The following DDX17 variants were observed in gnomAD, a reference collection of about 807,000 sequenced individuals.
DDX17 encodes probable ATP-dependent RNA helicase DDX17.
DDX17 carries 10 observed loss-of-function variants against 80.8 expected under a neutral mutation model. The ratio of observed to expected loss-of-function variants is 0.12; its 90% CI spans 0.08 to 0.21. The LOEUF is 0.21. Among genes scored for constraint, DDX17 ranks in the 10% least tolerant of loss-of-function variants. DDX17 has a pLI of 1.00. For synonymous variants in DDX17, 339 were observed against 336.2 expected (o/e 1.01, Z -0.09); for missense variants, 586 against 957.4 (o/e 0.61, Z 5.12).
chr22:38,489,747 G>A lies in DDX17; in HGVS notation c.1448-1632C>T, dbSNP rs1311835768. 2 of 985,382 alleles carry A rather than the reference G, an allele frequency of 2.0e-6. No homozygotes were observed. The highest frequency in any genetic ancestry group is 3.5e-5 in the African/African-American group (2 of 57,298). 61.0% of individuals were successfully genotyped at this position (985,382 alleles called of 1,614,324 possible). On this transcript the variant is annotated intron_variant, in intron 11 of 12. Coordinates refer to ENST00000403230, the MANE Select transcript of DDX17 (RefSeq NM_006386.5). The surrounding 1 kb of genome is among the most constrained non-coding windows in gnomAD (Gnocchi z 4.6). ...AAGTCCTGAATCACACCAGAAAGAC[G>A]AGAAGGCACTTATCACAGGGGGCAG...
At chr22:38,505,851 G>T in intron 1 of DDX17, 100 bp downstream of exon 1, 1 of 1,416,814 alleles carries the variant, frequency 7.1e-7, no homozygotes. Flanking sequence ...CGCCTCCCGG[G>T]TCGAGAGCAA....
rs759811493 is a variant in DDX17, at chr22:38,492,036, A to G, written c.1447+20T>C. 1 of 1,571,756 alleles carries G rather than the reference A, an allele frequency of 6.4e-7. No homozygotes were observed. Among genetic ancestry groups the G allele is most frequent in the Non-Finnish European group, 8.7e-7 (1 of 1,154,358 alleles). On this transcript the variant is annotated intron_variant, in intron 11 of 12. Coordinates refer to ENST00000403230, the MANE Select transcript of DDX17 (RefSeq NM_006386.5). ...CAAAAGATACATATACCATTGACAG[A>G]GACACCTATCTATACAAACCTAGCC...
chr22:38,498,659 G>T (rs146192884), intron 3 of DDX17, 86 bp from the exon 4 acceptor site: 1 of 1,434,578 alleles, frequency 7.0e-7, no homozygotes, highest in Non-Finnish European at 9.6e-7. Context: ...GCTCACTGAA[G>T]ATAAGATTTA....
At chr22:38,498,311 T>C in intron 4 of DDX17, 129 bp downstream of exon 4, 4 of 1,420,322 alleles carry the variant, frequency 2.8e-6, no homozygotes, top group Non-Finnish European at 3.8e-6. Context: ...AATGCTTCCA[T>C]ATATTTAATA....
At position 38,499,481 on chromosome 22, in the gene DDX17, G is replaced by A. The variant is rs757226080; in HGVS notation, c.457C>T (p.Arg153Cys). 6 of 1,613,266 alleles carry A rather than the reference G, an allele frequency of 3.7e-6. No homozygotes were observed. In the Admixed American group the frequency reaches 5.0e-5, roughly 13 times the overall value. ...CTCACTGTAATCTCCTTCTTTCGGC[G>A]TAGCTCATCAACCTCATACTATTGA... The change falls in exon 3 of 13, where the codon CGC becomes TGC. Residue 153 changes from arginine to cysteine, a missense_variant. Around this residue, in one of 4 missense-constraint regions of DDX17, gnomAD observed 215 missense variants for 238.4 expected, o/e 0.90. Coordinates refer to ENST00000403230, the MANE Select transcript of DDX17 (RefSeq NM_006386.5).
chr22:38,484,160 GA>G lies in DDX17; in HGVS notation c.*1774del, dbSNP rs1439230220. The G allele has an allele frequency of 1.3e-5, 2 of 150,926 alleles. No homozygotes were observed. The highest frequency in any genetic ancestry group is 3.0e-5 in the Non-Finnish European group (2 of 67,726). 9.3% of individuals were successfully genotyped at this position (150,926 alleles called of 1,614,324 possible). ...GCTTAGACAAATTTGGGGTTGGGGG[GA>G]ACACTTTGGTTTGAAAGCACAGAGC... On this transcript the variant is annotated 3_prime_UTR_variant, in exon 13 of 13. Transcript: ENST00000403230.
At chr22:38,494,526 G>A in intron 8 of DDX17, 104 bp downstream of exon 8, 1 of 1,038,228 alleles carries the variant, frequency 9.6e-7, no homozygotes, top group African/African-American at 1.6e-5. Context: ...TGCTTTTAAT[G>A]TTCTCAGGCC....
intron 10 of DDX17, 187 bp downstream of exon 10, chr22:38,493,523 A>G: frequency 1.7e-6 from 1 of 595,566 alleles, no homozygotes. Context: ...TCTACAGCCT[A>G]CAGCTTTTGT....
At chr22:38,492,182 A>C in intron 10 of DDX17, 67 bp from the exon 11 acceptor site, 1 of 1,361,828 alleles carries the variant, frequency 7.3e-7, no homozygotes, top group Non-Finnish European at 1.0e-6. Context: ...TTACATAACC[A>C]TGTTAAAATT....
Position 38,485,830 on chromosome 22 carries a change from A to C in DDX17, c.*105T>G. 4 of 1,398,394 alleles carry C rather than the reference A, an allele frequency of 2.9e-6. No individual in the cohort carries two copies. Among genetic ancestry groups the C allele is most frequent in the Non-Finnish European group, 3.7e-6 (4 of 1,074,962 alleles). The allele number at this position is 1,398,394 out of a possible 1,614,324, so 86.6% of individuals were successfully genotyped here. A position where few individuals can be genotyped will look rare whatever the true frequency, so the allele number is the denominator to read the frequency against. On this transcript the variant is annotated 3_prime_UTR_variant, in exon 13 of 13. Transcript: ENST00000403230. ...GGGGGGAAAAATTAAAAAAAAAAAA[A>C]GAAAAAAGGAAAAAAAAAGAAAAGG...
chr22:38,485,802 GT>G lies in DDX17; in HGVS notation c.*132del. ...CTGCATGAAAAGACAAATCACGATG[GT>G]TGGGGGGAAAAATTAAAAAAAAAAA... is the stretch of plus-strand genomic sequence containing the variant. On this transcript the variant is annotated 3_prime_UTR_variant, in exon 13 of 13. Transcript: ENST00000403230. The G allele has an allele frequency of 7.8e-7, 1 of 1,278,446 alleles. No homozygotes were observed. The highest frequency in any genetic ancestry group is 1.0e-6 in the Non-Finnish European group (1 of 994,362). The allele number at this position is 1,278,446 out of a possible 1,614,324, so 79.2% of individuals were successfully genotyped here.
chr22:38,488,141 T>C lies in DDX17; in HGVS notation c.1448-26A>G, dbSNP rs1167200329. ...CTTCCACGTCAATGATGAGTCAGTG[T>C]GTAGGTTGATGTGGCAGGGAAAGAG... On this transcript the variant is annotated intron_variant, in intron 11 of 12. Coordinates refer to ENST00000403230, the MANE Select transcript of DDX17 (RefSeq NM_006386.5). 2.5e-6 allele frequency: 4 copies of C among 1,613,016 alleles called. No individual in the cohort carries two copies. In the East Asian group the frequency reaches 6.7e-5, roughly 27 times the overall value.
chr22:38,501,111 AAC>A lies in DDX17; in HGVS notation c.438+17_438+18del. On this transcript the variant is annotated intron_variant, in intron 2 of 12. Transcript: ENST00000403230. ...CTTGGTTCAATAATCTGTACATTAA[AAC>A]ACACATGTAAACTTACTGGTGTCAG... The A allele has an allele frequency of 1.9e-6, 3 of 1,611,264 alleles. No individual in the cohort carries two copies. Among genetic ancestry groups the A allele is most frequent in the Non-Finnish European group, 2.5e-6 (3 of 1,179,294 alleles).
chr22:38,505,862 G>C (rs2089876857), intron 1 of DDX17, 89 bp downstream of exon 1: 1 of 1,460,170 alleles, frequency 6.8e-7, no homozygotes, highest in Non-Finnish European at 9.2e-7. Context: ...TCGAGAGCAA[G>C]GCTCCCAGGC....
intron 3 of DDX17, among the ~76,000 whole-genome samples, 193 bp downstream of exon 3, chr22:38,499,207 G>C (rs1036405979): frequency 6.6e-6 from 1 of 152,054 alleles, no homozygotes; most frequent in Non-Finnish European, 1.5e-5. Flanking sequence ...CCTAGAAAAA[G>C]ACAAAAACCT....
chr22:38,502,874 C>A (rs886459919), intron 1 of DDX17, among the ~76,000 whole-genome samples: 3 of 152,140 alleles, frequency 2.0e-5, no homozygotes, highest in Non-Finnish European at 4.4e-5. Flanking sequence ...ATATAAAGTT[C>A]CACTTTATCA....
chr22:38,486,011 T>C lies in DDX17; in HGVS notation c.2114A>G (p.Asn705Ser), dbSNP rs764465315. Residue 705 changes from asparagine (N) to serine (S), a missense_variant, in exon 13 of 13, where the codon AAT becomes AGT. Asn to Ser is a conservative substitution (Grantham distance 46, BLOSUM62 1). Coordinates refer to ENST00000403230, the MANE Select transcript of DDX17 (RefSeq NM_006386.5). ...AGTCTGCCCCATGTAACCTATCATATTGGTAGCTCCCGGAGGCTGTGCAAA... is the reference window on the plus strand; with the variant it reads ...AGTCTGCCCCATGTAACCTATCATACTGGTAGCTCCCGGAGGCTGTGCAAA... 32 of 1,613,894 alleles carry C rather than the reference T, an allele frequency of 2.0e-5. No homozygotes were observed. The highest frequency in any genetic ancestry group is 3.3e-4 in the Middle Eastern group (2 of 6,058).
At chr22:38,493,479 C>G (rs930640216) in intron 10 of DDX17, 11 of 478,414 alleles carry the variant, frequency 2.3e-5, no homozygotes, top group African/African-American at 2.2e-4. Context: ...GAGCCACCAA[C>G]GGTGCCCAGT....
chr22:38,487,672 A>C (rs2089673974), intron 12 of DDX17, among the ~76,000 whole-genome samples: 1 of 152,214 alleles, frequency 6.6e-6, no homozygotes, highest in Admixed American at 6.5e-5. Flanking sequence ...AGAAAAAAAA[A>C]TTCACAATTT....
Sources: gnomAD v4.1 joint callset for allele counts (sites outside exome capture counted in the v4.1 genomes callset) on GRCh38, gnomAD v4.1.1 for gene constraint, gnomAD v4.1.1 regional missense constraint, Gnocchi (gnomAD v3.1) non-coding constraint, MANE v1.5 for transcripts, NCBI Gene and HGNC (gene_info 2026-07-23, HGNC 2026-07-21) for gene names.